Variants in COL4A2 observed in about 807,000 individuals in gnomAD.
COL4A2 encodes collagen alpha-2(IV) chain.
Under a neutral mutation model 200.2 loss-of-function variants are expected in COL4A2, and 99 were observed. The ratio of observed to expected loss-of-function variants is 0.49; its 90% CI spans 0.42 to 0.58. COL4A2 has a LOEUF of 0.58. Among genes scored for constraint, COL4A2 ranks in the 20% least tolerant of loss-of-function variants. The pLI is 0.00. For synonymous variants in COL4A2, 897 were observed against 900.6 expected (o/e 1.00, Z 0.07); for missense variants, 1,950 against 2,314.1 (o/e 0.84, Z 3.23).
chr13:110,369,783 C>G (rs188710503), intron 4 of COL4A2, among the ~76,000 whole-genome samples: 3 of 152,290 alleles, frequency 2.0e-5, no homozygotes, highest in Non-Finnish European at 4.4e-5. Context: ...AGCCTCACCC[C>G]AAAGCTCCCC....
chr13:110,446,435 G>T (rs1489837871), intron 17 of COL4A2, among the ~76,000 whole-genome samples: 1 of 152,154 alleles, frequency 6.6e-6, no homozygotes, highest in African/African-American at 2.4e-5. Flanking sequence ...CTCCACGGGG[G>T]TCCTGCGGCC....
chr13:110,396,541 T>A (rs1338183420), intron 4 of COL4A2, among the ~76,000 whole-genome samples: 1 of 152,184 alleles, frequency 6.6e-6, no homozygotes, highest in Non-Finnish European at 1.5e-5. Context: ...AATCTGGCCA[T>A]CAAGATGTTC....
At chr13:110,350,434 G>A (rs1876906338) in intron 3 of COL4A2, among the ~76,000 whole-genome samples, 1 of 152,112 alleles carries the variant, frequency 6.6e-6, no homozygotes, top group African/African-American at 2.4e-5. Flanking sequence ...AGGGATTAGA[G>A]GCTCAGCCAC....
At chr13:110,375,466 C>T (rs780662296) in intron 4 of COL4A2, among the ~76,000 whole-genome samples, 1 of 152,220 alleles carries the variant, frequency 6.6e-6, no homozygotes, top group African/African-American at 2.4e-5. Context: ...GGTTTGTGGG[C>T]GAGCATCCCT....
chr13:110,476,120 C>T (rs1882695461), intron 29 of COL4A2, among the ~76,000 whole-genome samples: 2 of 152,148 alleles, frequency 1.3e-5, no homozygotes, highest in East Asian at 1.9e-4. Flanking sequence ...CCCCAAGTTC[C>T]CCCACAGTCC....
intron 3 of COL4A2, among the ~76,000 whole-genome samples, chr13:110,312,518 T>C (rs1885012127): frequency 6.6e-6 from 1 of 152,224 alleles, no homozygotes; most frequent in African/African-American, 2.4e-5. Flanking sequence ...CTGAGTGCCA[T>C]GGAGATTTAA....
chr13:110,322,128 T>A (rs1278120453), intron 3 of COL4A2, among the ~76,000 whole-genome samples: 2 of 152,226 alleles, frequency 1.3e-5, no homozygotes, highest in African/African-American at 2.4e-5. Flanking sequence ...ATGGTTAATG[T>A]CAGGTATTGC....
intron 39 of COL4A2, among the ~76,000 whole-genome samples, chr13:110,493,820 G>T (rs1387603315): frequency 3.2e-5 from 1 of 30,906 alleles, no homozygotes; most frequent in Non-Finnish European, 1.0e-4. Flanking sequence ...GTCGGGTTCT[G>T]GGGGGGGCCG....
At chr13:110,318,432 A>G (rs1444397479) in intron 3 of COL4A2, among the ~76,000 whole-genome samples, 1 of 152,162 alleles carries the variant, frequency 6.6e-6, no homozygotes, top group African/African-American at 2.4e-5. Flanking sequence ...GAGCCACTTT[A>G]TTTGTTCTAT....
chr13:110,336,355 A>C (rs1454566623), intron 3 of COL4A2, among the ~76,000 whole-genome samples: 2 of 152,236 alleles, frequency 1.3e-5, no homozygotes, highest in African/African-American at 4.8e-5. Flanking sequence ...GAATTCAAAA[A>C]AATGGGAAGC....
Position 110,508,228 on chromosome 13 carries a change from G to C in COL4A2, c.4881+7G>C. ...CGGATATTCCTTCCTCATGGTATGT[G>C]GTATTTGCCCAGTTCCCCTCCCCAA... On this transcript the variant is annotated splice_region_variant and intron_variant, in intron 47 of 47. Transcript: ENST00000360467. This position sits in a 1 kb window ranked among gnomAD's most constrained non-coding sequence, Gnocchi z 6.1. The C allele has an allele frequency of 6.2e-7, 1 of 1,612,930 alleles. No individual in the cohort carries two copies. Among genetic ancestry groups the C allele is most frequent in the Non-Finnish European group, 8.5e-7 (1 of 1,179,066 alleles).
chr13:110,370,618 C>T (rs1877962824), intron 4 of COL4A2, among the ~76,000 whole-genome samples: 1 of 152,182 alleles, frequency 6.6e-6, no homozygotes, highest in South Asian at 2.1e-4. Flanking sequence ...TGGATTTCCA[C>T]TTGTGCAGTT....
chr13:110,323,950 C>A (rs1885342193), intron 3 of COL4A2, among the ~76,000 whole-genome samples: 1 of 152,198 alleles, frequency 6.6e-6, no homozygotes, highest in Non-Finnish European at 1.5e-5. Flanking sequence ...CACCTTGGGT[C>A]AACTGAAGGT....
chr13:110,421,287 A>G (rs1254267884), intron 4 of COL4A2, among the ~76,000 whole-genome samples: 1 of 152,234 alleles, frequency 6.6e-6, no homozygotes, highest in African/African-American at 2.4e-5. Context: ...CAGAGACTCA[A>G]GTAGTCACTC....
chr13:110,491,972 CG>C lies in COL4A2; in HGVS notation c.3455-96del, dbSNP rs1444624143. On this transcript the variant is annotated intron_variant, in intron 37 of 47. Coordinates refer to ENST00000360467, the MANE Select transcript of COL4A2 (RefSeq NM_001846.4). ...CTGGCACTGCGGCCCTTCCGGCCCT[CG>C]GCCCCTCCCAGAGCGGCTGCCCCTC... The C allele has an allele frequency of 3.8e-6, 4 of 1,047,758 alleles. No individual in the cohort carries two copies. The African/African-American group carries it at 6.5e-5, about 17-fold the overall frequency. The allele number at this position is 1,047,758 out of a possible 1,614,324, so 64.9% of individuals were successfully genotyped here. A position where few individuals can be genotyped will look rare whatever the true frequency, so the allele number is the denominator to read the frequency against.
chr13:110,355,840 TGGG>T (rs748512894), intron 3 of COL4A2, among the ~76,000 whole-genome samples: 147 of 3,420 alleles, frequency 0.043, 36 homozygotes, highest in Non-Finnish European at 0.047. Context: ...CACCTGTGTG[TGGG>T]GGGGAGGGCT....
At chr13:110,409,112 C>T (rs1159949386) in intron 4 of COL4A2, among the ~76,000 whole-genome samples, 2 of 63,448 alleles carry the variant, frequency 3.2e-5, no homozygotes, top group South Asian at 7.0e-4. Context: ...ATACACATAA[C>T]ACACATATAC....
At chr13:110,451,963 G>A (rs1405431515) in intron 20 of COL4A2, among the ~76,000 whole-genome samples, 1 of 152,214 alleles carries the variant, frequency 6.6e-6, no homozygotes, top group Non-Finnish European at 1.5e-5. Context: ...GTGTGACGTT[G>A]ACCAAAAGTT....
At chr13:110,485,506 G>A in intron 33 of COL4A2, 149 bp from the exon 34 acceptor site, 1 of 587,538 alleles carries the variant, frequency 1.7e-6, no homozygotes, top group Admixed American at 4.2e-5. Context: ...CTGGGCGACA[G>A]AGCGAGACTC....
Sources: allele counts gnomAD v4.1 joint callset (sites outside exome capture counted in the v4.1 genomes callset), GRCh38; gene constraint gnomAD v4.1.1; non-coding constraint Gnocchi (gnomAD v3.1); transcripts MANE v1.5; gene names NCBI Gene and HGNC (gene_info 2026-07-23, HGNC 2026-07-21).